The following LSMEM1 variants were observed in gnomAD, a reference collection of about 807,000 sequenced individuals.
LSMEM1 encodes leucine rich single-pass membrane protein 1.
A neutral mutation model predicts 11.3 loss-of-function variants in LSMEM1; 10 were observed. That is an observed-to-expected ratio of 0.89 (90% CI 0.55 to 1.50). The LOEUF is 1.50. Among genes scored for constraint, LSMEM1 ranks in the 40% most tolerant of loss-of-function variants. The pLI is 0.00. For synonymous variants in LSMEM1, 65 were observed against 59.3 expected, an observed-to-expected ratio of 1.10 and a Z score of -0.44; for missense variants, 151 against 152.9, an observed-to-expected ratio of 0.99 and a Z score of 0.06.
chr7:112,481,614 G>T (rs2117357731), intron 1 of LSMEM1, among the ~76,000 whole-genome samples: 1 of 150,652 alleles, frequency 6.6e-6, no homozygotes, highest in Non-Finnish European at 1.5e-5. Context: ...CAATACTGGT[G>T]TGAGTTATTT....
intron 3 of LSMEM1, among the ~76,000 whole-genome samples, chr7:112,488,053 A>C (rs1796170079): frequency 6.6e-6 from 1 of 152,002 alleles, no homozygotes; most frequent in Admixed American, 6.6e-5. Flanking sequence ...ACCGCTTCCA[A>C]TCCCATTTCC....
chr7:112,483,968 G>A (rs556938555), intron 1 of LSMEM1, among the ~76,000 whole-genome samples: 5 of 152,330 alleles, frequency 3.3e-5, no homozygotes, highest in Admixed American at 2.0e-4. Context: ...TCTCTGTTGT[G>A]CTAGAGATAC....
intron 3 of LSMEM1, among the ~76,000 whole-genome samples, chr7:112,488,444 C>A (rs1445069474): frequency 2.0e-5 from 3 of 152,082 alleles, no homozygotes; most frequent in South Asian, 2.1e-4. Flanking sequence ...CTGCCAAATT[C>A]TTTTTTTCTG....
intron 3 of LSMEM1, among the ~76,000 whole-genome samples, chr7:112,489,441 G>A (rs1248100714): frequency 1.3e-5 from 2 of 152,196 alleles, no homozygotes; most frequent in South Asian, 2.1e-4. Flanking sequence ...TTTCTCAAAT[G>A]AGCAAAAACC....
At chr7:112,480,586 G>A (rs1349111877), upstream of LSMEM1, among the ~76,000 whole-genome samples, 1 of 152,212 alleles carries the variant, frequency 6.6e-6, no homozygotes, top group Non-Finnish European at 1.5e-5. Flanking sequence ...TGGCATGTAT[G>A]TGAGGGAACC....
At chr7:112,485,483 T>A (rs2041068) in intron 2 of LSMEM1, among the ~76,000 whole-genome samples, 2 of 152,192 alleles carry the variant, frequency 1.3e-5, no homozygotes, top group South Asian at 2.1e-4. Flanking sequence ...ATCAGATCAC[T>A]CTGAGTGCCA....
Position 112,487,049 on chromosome 7 carries a change from T to G in LSMEM1, c.254T>G (p.Ile85Arg). Residue 85 changes from isoleucine to arginine, a missense_variant and splice_region_variant, in exon 3 of 4, where the codon ATA (isoleucine) becomes AGA (arginine). By Grantham distance (97) the Ile-to-Arg change is moderately conservative. Coordinates refer to ENST00000312849, the MANE Select transcript of LSMEM1 (RefSeq NM_182597.3). ...LALVFFVIFL[I>R]VQTGNKMDDV... is the part of the protein sequence containing the mutation. ...CTGGTTTTTTTCGTGATATTTCTAA[T>G]AGGTAAGTACCACCACAGGTTTCTT... 1.9e-6 allele frequency: 3 copies of G among 1,614,074 alleles called. No individual in the cohort carries two copies. Among genetic ancestry groups the G allele is most frequent in the Non-Finnish European group, 2.5e-6 (3 of 1,179,946 alleles).
chr7:112,484,701 A>G (rs1183733609), intron 1 of LSMEM1, 111 bp from the exon 2 acceptor site: 5 of 1,081,378 alleles, frequency 4.6e-6, no homozygotes, highest in Non-Finnish European at 6.6e-6. Flanking sequence ...TGAAAATACT[A>G]TTTGTGGGTG....
chr7:112,484,348 T>A (rs1297427830), intron 1 of LSMEM1, among the ~76,000 whole-genome samples: 1 of 152,234 alleles, frequency 6.6e-6, no homozygotes, highest in Non-Finnish European at 1.5e-5. Context: ...TCAGAATGTT[T>A]TGTGGCCACT....
At position 112,488,605 on chromosome 7, in the gene LSMEM1, T is replaced by TTA. The variant is rs1261114027; in HGVS notation, c.257-1203_257-1202dup. Among the ~76,000 whole-genome samples, 15 of 112,754 alleles carry TTA rather than the reference T, an allele frequency of 1.3e-4. No individual in the cohort carries two copies. The East Asian group carries it at 3.0e-3, about 22-fold the overall frequency. 74.0% of individuals were successfully genotyped at this position (112,754 alleles called of 152,430 possible). On this transcript the variant is annotated intron_variant, in intron 3 of 3. Coordinates refer to ENST00000312849, the MANE Select transcript of LSMEM1 (RefSeq NM_182597.3). Reference sequence around the variant, plus strand: ...GTAGAATCCATTATTATTATTATTATTATTTTTATTTTTAAGATGAAATCT... The same window carrying TTA: ...GTAGAATCCATTATTATTATTATTATTATATTTTTATTTTTAAGATGAAATCT...
rs1034394459 is a variant in LSMEM1 at position 112,481,052 on chromosome 7, T to C, written c.-300T>C. The C allele has an allele frequency of 1.1e-4, 39 of 353,608 alleles. No individual in the cohort carries two copies. The highest frequency in any genetic ancestry group is 6.7e-4 in the African/African-American group (31 of 46,488). 21.9% of individuals were successfully genotyped at this position (353,608 alleles called of 1,614,324 possible). On this transcript the variant is annotated 5_prime_UTR_variant, in exon 1 of 4. Transcript: ENST00000312849. ...AGGGCATGGTGTTTTTTTGTTGTTT[T>C]CTTTTTAAAGCATAGTTTTAGTAAT...
chr7:112,488,607 A>T (rs73430734), intron 3 of LSMEM1, among the ~76,000 whole-genome samples: 7,234 of 118,236 alleles, frequency 0.061, 436 homozygotes, highest in South Asian at 0.21. Flanking sequence ...TATTATTATT[A>T]TTTTTATTTT....
chr7:112,484,384 T>C (rs1796087781), intron 1 of LSMEM1, among the ~76,000 whole-genome samples: 2 of 152,236 alleles, frequency 1.3e-5, no homozygotes, highest in South Asian at 4.1e-4. Context: ...TTTGTCTACC[T>C]AGTCTTCTTG....
intron 1 of LSMEM1, among the ~76,000 whole-genome samples, chr7:112,482,125 C>A (rs1355458509): frequency 1.3e-5 from 2 of 152,186 alleles, no homozygotes. Flanking sequence ...CAGCACCCAA[C>A]TCAGTTTTCT....
Position 112,486,319 on chromosome 7 carries a change from C to CCA in LSMEM1, c.128-597_128-596dup, listed in dbSNP as rs1205289421. ...CCTTTAACTTCTATATTCCCTCTCC[C>CCA]CACACACAAAAATTCATGTTCTGCT... On this transcript the variant is annotated intron_variant, in intron 2 of 3. Coordinates refer to ENST00000312849, the MANE Select transcript of LSMEM1 (RefSeq NM_182597.3). 7 of 443,318 alleles carry CCA rather than the reference C, an allele frequency of 1.6e-5. No individual in the cohort carries two copies. In the Middle Eastern group the frequency reaches 2.0e-3, roughly 126 times the overall value. 27.5% of individuals were successfully genotyped at this position (443,318 alleles called of 1,614,324 possible).
intron 3 of LSMEM1, among the ~76,000 whole-genome samples, chr7:112,488,137 G>A (rs1356720900): frequency 1.3e-5 from 2 of 152,176 alleles, no homozygotes; most frequent in Non-Finnish European, 2.9e-5. Flanking sequence ...TTGGGACTGG[G>A]AGGGAGGGGT....
In LSMEM1 at chr7:112,489,945, A is replaced by G. The variant is rs1796206743; in HGVS notation, c.392A>G (p.Asn131Ser). The G allele has an allele frequency of 6.2e-7, 1 of 1,611,584 alleles. No homozygotes were observed. The highest frequency in any genetic ancestry group is 1.3e-5 in the African/African-American group (1 of 74,658). Residue 131 changes from asparagine (N) to serine (S), a missense_variant, in exon 4 of 4, where the codon AAC (asparagine) becomes AGC (serine). Coordinates refer to ENST00000312849, the MANE Select transcript of LSMEM1 (RefSeq NM_182597.3). ...CTCAACCAACTGGACTCTGAACAAA[A>G]CTAAAGGAATGATTTTCTGAAAGCA... ...NQLNQLDSEQ[N>S] is the part of the protein sequence containing the mutation.
intron 2 of LSMEM1, 27 bp downstream of exon 2, chr7:112,484,970 G>C (rs997146964): frequency 8.9e-6 from 14 of 1,567,720 alleles, no homozygotes; most frequent in Non-Finnish European, 1.2e-5. Context: ...AGGCACAGCA[G>C]CCCTTCCTAG....
intron 2 of LSMEM1, among the ~76,000 whole-genome samples, chr7:112,485,192 G>A (rs1053638178): frequency 1.3e-5 from 2 of 152,160 alleles, no homozygotes; most frequent in African/African-American, 2.4e-5. Context: ...ATCCTGTGGC[G>A]TTTCTGTCCC....
Sources: allele counts gnomAD v4.1 joint callset (sites outside exome capture counted in the v4.1 genomes callset), GRCh38; gene constraint gnomAD v4.1.1; transcripts MANE v1.5; gene names NCBI Gene and HGNC (gene_info 2026-07-23, HGNC 2026-07-21).